MALRD1: variants seen among roughly 807,000 people sequenced by gnomAD.
MALRD1 encodes MAM and LDL receptor class A domain containing 1.
MALRD1 carries 247 observed loss-of-function variants against 242.1 expected under a neutral mutation model. That is an observed-to-expected ratio of 1.02 (90% CI 0.92 to 1.13). The LOEUF (loss-of-function observed/expected upper bound fraction) is 1.13, where lower values mean the gene tolerates loss of function less well. Ranked by LOEUF, MALRD1 falls within the 50% of genes most tolerant of loss-of-function variation. MALRD1 has a pLI of 0.00. For synonymous variants in MALRD1, 995 were observed against 866.6 expected, an observed-to-expected ratio of 1.15 and a Z score of -2.60; for missense variants, 2,989 against 2,533.1, an observed-to-expected ratio of 1.18 and a Z score of -3.86.
At chr10:19,535,269 A>G (rs1834614962) in intron 32 of MALRD1, among the ~76,000 whole-genome samples, 1 of 152,148 alleles carries the variant, frequency 6.6e-6, no homozygotes, top group Non-Finnish European at 1.5e-5. Flanking sequence ...CAAATATAGT[A>G]CATTCGGTCA....
intron 18 of MALRD1, among the ~76,000 whole-genome samples, chr10:19,254,113 A>G (rs967691061): frequency 5.3e-5 from 8 of 152,022 alleles, no homozygotes; most frequent in African/African-American, 1.9e-4. Flanking sequence ...TTTTCTTTGC[A>G]AATTACCCAG....
chr10:19,367,252 C>T (rs772518151), intron 26 of MALRD1, among the ~76,000 whole-genome samples: 2 of 152,018 alleles, frequency 1.3e-5, no homozygotes, highest in Non-Finnish European at 2.9e-5. Flanking sequence ...AGCAAACTCT[C>T]CCTATCCTCC....
At chr10:19,185,286 T>C (rs1835688598) in intron 14 of MALRD1, among the ~76,000 whole-genome samples, 1 of 152,224 alleles carries the variant, frequency 6.6e-6, no homozygotes, top group African/African-American at 2.4e-5. Context: ...GACATTTTAA[T>C]ATTTCCAAAC....
chr10:19,167,827 A>T (rs911608710), intron 13 of MALRD1, among the ~76,000 whole-genome samples: 1 of 152,208 alleles, frequency 6.6e-6, no homozygotes, highest in Non-Finnish European at 1.5e-5. Flanking sequence ...AGGGGTAAGT[A>T]ACAGCAATGT....
intron 24 of MALRD1, among the ~76,000 whole-genome samples, chr10:19,341,270 G>A (rs1465538507): frequency 1.3e-5 from 2 of 151,552 alleles, no homozygotes; most frequent in Admixed American, 1.3e-4. Flanking sequence ...GTAAAAATGA[G>A]CATTCATTCA....
chr10:19,501,016 A>T lies in MALRD1; in HGVS notation c.5320+2370A>T, dbSNP rs116982020. ...TAAGGGGACAAAAAGAAAGGAATGGAGTACATAGGAGTGTGACAGCCAGTA... is the reference window on the plus strand; with the variant it reads ...TAAGGGGACAAAAAGAAAGGAATGGTGTACATAGGAGTGTGACAGCCAGTA... On this transcript the variant is annotated intron_variant, in intron 31 of 39. Transcript: ENST00000454679. Among the ~76,000 whole-genome samples, 371 of 152,316 alleles carry T rather than the reference A, an allele frequency of 2.4e-3. 6 individuals are homozygous for T. In the East Asian group the frequency reaches 0.051, roughly 21 times the overall value.
At chr10:19,357,117 A>T (rs1564590664) in intron 26 of MALRD1, among the ~76,000 whole-genome samples, 1 of 151,118 alleles carries the variant, frequency 6.6e-6, no homozygotes, top group East Asian at 1.9e-4. Flanking sequence ...CTGAAAAAAA[A>T]AAATAAAAAA....
chr10:19,112,254 G>A (rs1228865614), intron 5 of MALRD1, among the ~76,000 whole-genome samples: 2 of 151,676 alleles, frequency 1.3e-5, no homozygotes, highest in Non-Finnish European at 1.5e-5. Flanking sequence ...ATTGTACTTG[G>A]GGCAGAGTCC....
chr10:19,136,719 A>G lies in MALRD1; in HGVS notation c.1349A>G (p.Glu450Gly). Residue 450 changes from glutamate (E) to glycine (G), a missense_variant, in exon 10 of 40, where the codon GAA becomes GGA. Coordinates refer to ENST00000454679, the MANE Select transcript of MALRD1 (RefSeq NM_001142308.3). ...ACTAGTGGCCAGTGCATCGCCAAAG[A>G]ATCTGTCTGTGACTCTCGGCAGGAC... is the stretch of plus-strand genomic sequence containing the variant. ...PCTSGQCIAKESVCDSRQDCS... is the reference protein window; with the variant it reads ...PCTSGQCIAKGSVCDSRQDCS... 1 of 1,231,652 alleles carries G rather than the reference A, an allele frequency of 8.1e-7. No individual in the cohort carries two copies. 76.3% of individuals were successfully genotyped at this position (1,231,652 alleles called of 1,614,324 possible).
chr10:19,512,726 G>T (rs148194774), intron 31 of MALRD1, among the ~76,000 whole-genome samples: 4 of 152,062 alleles, frequency 2.6e-5, no homozygotes, highest in Non-Finnish European at 5.9e-5. Flanking sequence ...GAAATGCAGC[G>T]CCTAAAGACT....
chr10:19,596,072 T>G (rs116222234), intron 34 of MALRD1, among the ~76,000 whole-genome samples: 487 of 152,296 alleles, frequency 3.2e-3, no homozygotes, highest in African/African-American at 0.011. Flanking sequence ...TTGAATTCAA[T>G]AATACCTAAC....
At chr10:19,445,226 T>G (rs1834900987) in intron 28 of MALRD1, among the ~76,000 whole-genome samples, 1 of 152,198 alleles carries the variant, frequency 6.6e-6, no homozygotes, top group East Asian at 1.9e-4. Context: ...TTTCAAGGTT[T>G]TTAGCTTCTT....
At chr10:19,468,599 A>T (rs1836342828) in intron 29 of MALRD1, among the ~76,000 whole-genome samples, 1 of 151,862 alleles carries the variant, frequency 6.6e-6, no homozygotes, top group Non-Finnish European at 1.5e-5. Flanking sequence ...AGTAGAATAG[A>T]GCTTTCTTTG....
Position 19,494,757 on chromosome 10 carries a change from C to T in MALRD1, c.5158+3112C>T, listed in dbSNP as rs191498062. Among the ~76,000 whole-genome samples, 4 of 152,156 alleles carry T rather than the reference C, an allele frequency of 2.6e-5. No homozygotes were observed. In the East Asian group the frequency reaches 7.7e-4, roughly 29 times the overall value. On this transcript the variant is annotated intron_variant, in intron 30 of 39. Coordinates refer to ENST00000454679, the MANE Select transcript of MALRD1 (RefSeq NM_001142308.3). ...GAATAAAAAGGAATGAAAAAATTCTCTCAGAAATATGGGATTATGTTAAGA... is the reference window on the plus strand; with the variant it reads ...GAATAAAAAGGAATGAAAAAATTCTTTCAGAAATATGGGATTATGTTAAGA...
At chr10:19,276,080 A>T (rs1341769091) in intron 19 of MALRD1, among the ~76,000 whole-genome samples, 2 of 152,200 alleles carry the variant, frequency 1.3e-5, no homozygotes, top group East Asian at 3.8e-4. Flanking sequence ...ATCTCTGTGG[A>T]ATTAAAATCT....
intron 18 of MALRD1, among the ~76,000 whole-genome samples, chr10:19,223,649 C>T (rs1487293871): frequency 1.3e-5 from 2 of 152,090 alleles, no homozygotes; most frequent in African/African-American, 4.8e-5. Flanking sequence ...CTGCACCCAT[C>T]AACCCGTCAT....
At chr10:19,686,515 G>C (rs190382814) in intron 36 of MALRD1, among the ~76,000 whole-genome samples, 1 of 152,290 alleles carries the variant, frequency 6.6e-6, no homozygotes, top group Non-Finnish European at 1.5e-5. Flanking sequence ...CTCAACTCCT[G>C]AGATCTTATT....
chr10:19,330,755 G>C (rs150481163), intron 23 of MALRD1, among the ~76,000 whole-genome samples: 11 of 151,922 alleles, frequency 7.2e-5, no homozygotes, highest in African/African-American at 2.7e-4. Context: ...GTCCACACAC[G>C]TGGGAAATCA....
At chr10:19,243,546 C>T (rs10763897) in intron 18 of MALRD1, among the ~76,000 whole-genome samples, 32,934 of 151,902 alleles carry the variant, frequency 0.22, 3,732 homozygotes, top group Admixed American at 0.34. Flanking sequence ...TATCCTCAGA[C>T]GTAATTCTTT....
Sources: allele counts gnomAD v4.1 joint callset (sites outside exome capture counted in the v4.1 genomes callset), GRCh38; gene constraint gnomAD v4.1.1; transcripts MANE v1.5; gene names NCBI Gene and HGNC (gene_info 2026-07-23, HGNC 2026-07-21).